MYO18B: variants seen among roughly 807,000 people sequenced by gnomAD.
MYO18B encodes myosin XVIIIB, also known as unconventional myosin-XVIIIb.
In MYO18B, 204 loss-of-function variants were observed where a neutral mutation model predicts 273.0. The observed-to-expected ratio is 0.75, with a 90% CI of 0.67 to 0.84. The LOEUF is 0.84. Among genes scored for constraint, MYO18B ranks in the 40% least tolerant of loss-of-function variants. The probability of loss-of-function intolerance (pLI) is 0.00; values close to 1 mark genes in which losing one functional copy is unlikely to be tolerated. For synonymous variants in MYO18B, 1,330 were observed against 1,305.7 expected, an observed-to-expected ratio of 1.02 and a Z score of -0.40; for missense variants, 3,212 against 3,287.6, an observed-to-expected ratio of 0.98 and a Z score of 0.56.
chr22:25,839,103 C>T (rs774828912), intron 17 of MYO18B, among the ~76,000 whole-genome samples: 19 of 137,136 alleles, frequency 1.4e-4, no homozygotes, highest in Admixed American at 6.0e-4. Flanking sequence ...TACGTGTGTG[C>T]GTGTGTGTAT....
At chr22:25,968,261 C>T (rs796736615) in intron 39 of MYO18B, among the ~76,000 whole-genome samples, 61 of 152,324 alleles carry the variant, frequency 4.0e-4, no homozygotes, top group African/African-American at 1.3e-3. Flanking sequence ...CTGGATTGAA[C>T]AGTTCTGGGG....
At chr22:25,926,584 C>A (rs918810454) in intron 34 of MYO18B, among the ~76,000 whole-genome samples, 10 of 152,146 alleles carry the variant, frequency 6.6e-5, no homozygotes, top group Non-Finnish European at 1.5e-4. Context: ...TGTGAGTCAC[C>A]ACACCTGGCC....
At chr22:25,825,325 C>T (rs576423417) in intron 13 of MYO18B, among the ~76,000 whole-genome samples, 43 of 152,256 alleles carry the variant, frequency 2.8e-4, no homozygotes, top group Non-Finnish European at 5.7e-4. Context: ...GAAATGCTTT[C>T]GGGGCTGCAG....
chr22:25,765,906 T>C (rs2086488294), intron 3 of MYO18B, among the ~76,000 whole-genome samples: 1 of 152,192 alleles, frequency 6.6e-6, no homozygotes, highest in African/African-American at 2.4e-5. Context: ...ATTTGCCAAG[T>C]GCAGTCAATC....
At chr22:25,958,737 A>G (rs1481371296) in intron 39 of MYO18B, among the ~76,000 whole-genome samples, 2 of 152,174 alleles carry the variant, frequency 1.3e-5, no homozygotes, top group Admixed American at 6.5e-5. Context: ...GGCCCCTCCT[A>G]TAGGTGTGGC....
intron 34 of MYO18B, among the ~76,000 whole-genome samples, chr22:25,927,329 G>A (rs1013726355): frequency 3.3e-5 from 5 of 152,042 alleles, no homozygotes; most frequent in South Asian, 2.1e-4. Context: ...AAGAGAATAC[G>A]TGCCTGGAGG....
Position 25,876,003 on chromosome 22 carries a change from C to CGTGTGTGTGTGT in MYO18B, c.4081-155_4081-144dup, listed in dbSNP as rs4049349. 2.4e-3 allele frequency among the ~76,000 whole-genome samples: 341 copies of CGTGTGTGTGTGT among 140,006 alleles called. 2 individuals are homozygous for CGTGTGTGTGTGT. Among genetic ancestry groups the CGTGTGTGTGTGT allele is most frequent in the African/African-American group, 8.0e-3 (298 of 37,340 alleles). 91.8% of individuals were successfully genotyped at this position (140,006 alleles called of 152,430 possible). The stretch of plus-strand genomic sequence containing the variant: ...CAAAAAGACTACAAGAAAGGAAGCC[C>CGTGTGTGTGTGT]GTGTGTGTGTGTGTGTGTGTGTGTG... On this transcript the variant is annotated intron_variant, in intron 23 of 43. Transcript: ENST00000335473.
rs1336301341 is a variant in MYO18B, at chr22:25,826,427, T to C, written c.2714T>C (p.Val905Ala). ...TTCCCAGGGCTCAAGATGACAGGAG[T>C]GGACTGTGTGGAGGGGATGGCCTCG... ...ETSSGLKMTG[V>A]DCVEGMASGL... Residue 905 changes from valine (V) to alanine (A), a missense_variant, in exon 14 of 44, where the codon GTG becomes GCG. Transcript: ENST00000335473. The C allele has an allele frequency of 6.2e-7, 1 of 1,613,090 alleles. No individual in the cohort carries two copies. The highest frequency in any genetic ancestry group is 8.5e-7 in the Non-Finnish European group (1 of 1,179,512).
chr22:25,938,004 A>G (rs1367732292), intron 34 of MYO18B, among the ~76,000 whole-genome samples: 1 of 152,180 alleles, frequency 6.6e-6, no homozygotes, highest in Non-Finnish European at 1.5e-5. Context: ...TCTTTCAAGT[A>G]CCCTGATGGG....
chr22:25,976,619 A>G (rs2093092708), intron 39 of MYO18B, among the ~76,000 whole-genome samples: 1 of 152,020 alleles, frequency 6.6e-6, no homozygotes, highest in Admixed American at 6.6e-5. Flanking sequence ...GTTTTCTCTG[A>G]TGGTAGCTTT....
At chr22:25,953,931 G>C (rs1440624132) in intron 38 of MYO18B, among the ~76,000 whole-genome samples, 2 of 152,170 alleles carry the variant, frequency 1.3e-5, no homozygotes, top group Non-Finnish European at 2.9e-5. Context: ...TCTTGGAATT[G>C]TGGCTGAACT....
At chr22:25,843,254 A>T (rs374628825) in intron 17 of MYO18B, among the ~76,000 whole-genome samples, 4 of 152,158 alleles carry the variant, frequency 2.6e-5, no homozygotes, top group South Asian at 2.1e-4. Flanking sequence ...TATTTGGTTG[A>T]TGGTATTCAA....
At chr22:25,831,645 A>G (rs2089711656) in intron 15 of MYO18B, among the ~76,000 whole-genome samples, 1 of 152,142 alleles carries the variant, frequency 6.6e-6, no homozygotes, top group African/African-American at 2.4e-5. Flanking sequence ...GGCCTCCCAA[A>G]GTGCTTGGAT....
At chr22:25,891,021 CT>C in intron 26 of MYO18B, 146 bp downstream of exon 26, 1 of 1,231,824 alleles carries the variant, frequency 8.1e-7, no homozygotes, top group Non-Finnish European at 1.1e-6. Context: ...CTGGGGGACA[CT>C]TAGGTCTCCT....
rs371665297 is a variant in MYO18B at position 26,027,489 on chromosome 22, G to T, written c.7515G>T (p.Leu2505=). 2.5e-6 allele frequency: 4 copies of T among 1,613,970 alleles called. No individual in the cohort carries two copies. In the South Asian group the frequency reaches 3.3e-5, roughly 13 times the overall value. ...AGCCCAAGGAGGATCCCGCTCACCTGTCTGACTCGTCCTCATCCTCCGGCT... is the reference window on the plus strand; with the variant it reads ...AGCCCAAGGAGGATCCCGCTCACCTTTCTGACTCGTCCTCATCCTCCGGCT... ...SPEPKEDPAH[L]SDSSSSSGSI... Residue 2505 remains leucine (L), a synonymous_variant, in exon 43 of 44, where the codon CTG becomes CTT. Transcript: ENST00000335473. The surrounding 1 kb of genome is among the most constrained non-coding windows in gnomAD (Gnocchi z 4.1).
At chr22:25,817,355 TTCTC>T (rs937913858) in intron 12 of MYO18B, among the ~76,000 whole-genome samples, 3 of 149,862 alleles carry the variant, frequency 2.0e-5, no homozygotes, top group Non-Finnish European at 4.4e-5. Context: ...CTTTCTTTCT[TTCTC>T]TCTCTCTCCT....
intron 42 of MYO18B, among the ~76,000 whole-genome samples, chr22:26,017,970 T>G (rs976075329): frequency 2.5e-5 from 1 of 39,672 alleles, no homozygotes; most frequent in Non-Finnish European, 4.1e-5. Flanking sequence ...CTGTTTTGTT[T>G]TTTTTTTTTT....
chr22:25,903,733 G>A lies in MYO18B; in HGVS notation c.5050G>A (p.Ala1684Thr). 3 of 1,606,506 alleles carry A rather than the reference G, an allele frequency of 1.9e-6. No homozygotes were observed. Among genetic ancestry groups the A allele is most frequent in the Admixed American group, 1.7e-5 (1 of 59,104 alleles). ...GSPSLGENCV[A>T]GLKERLWKLE... ...ACCCTCTCTGGGGGAAAATTGCGTTGCTGGCTTGAAGGAGAGGCTCTGGAA... is the reference window on the plus strand; with the variant it reads ...ACCCTCTCTGGGGGAAAATTGCGTTACTGGCTTGAAGGAGAGGCTCTGGAA... Residue 1684 changes from alanine to threonine, a missense_variant, in exon 31 of 44, where the codon GCT becomes ACT. By Grantham distance (58) the Ala-to-Thr change is moderately conservative. Coordinates refer to ENST00000335473, the MANE Select transcript of MYO18B (RefSeq NM_032608.7).
intron 12 of MYO18B, among the ~76,000 whole-genome samples, chr22:25,812,972 C>T (rs950758909): frequency 6.6e-6 from 1 of 151,928 alleles, no homozygotes; most frequent in African/African-American, 2.4e-5. Flanking sequence ...TCCTCTTTCT[C>T]TTCCTTCTCT....
Sources: gnomAD v4.1 joint callset for allele counts (sites outside exome capture counted in the v4.1 genomes callset) on GRCh38, gnomAD v4.1.1 for gene constraint, Gnocchi (gnomAD v3.1) non-coding constraint, MANE v1.5 for transcripts, NCBI Gene and HGNC (gene_info 2026-07-23, HGNC 2026-07-21) for gene names.